Variants in AGAP1 observed in about 807,000 individuals in gnomAD.
The protein encoded by AGAP1 is ArfGAP with GTPase domain, ankyrin repeat and PH domain 1, also known as arf-GAP with GTPase, ANK repeat and PH domain-containing protein 1.
Under a neutral mutation model 105.3 loss-of-function variants are expected in AGAP1, and 29 were observed. The ratio of observed to expected loss-of-function variants is 0.28; its 90% CI spans 0.21 to 0.38. AGAP1 has a LOEUF of 0.38. Ranked by LOEUF, AGAP1 falls within the 10% of genes least tolerant of loss-of-function variation. The probability of loss-of-function intolerance (pLI) is 1.00; values close to 1 mark genes in which losing one functional copy is unlikely to be tolerated. For missense variants in AGAP1, 998 were observed against 1,165.1 expected (o/e 0.86, Z 2.09); for synonymous variants, 509 against 485.9 (o/e 1.05, Z -0.63).
intron 1 of AGAP1, among the ~76,000 whole-genome samples, chr2:235,643,152 G>A (rs760841371): frequency 1.1e-4 from 16 of 152,096 alleles, no homozygotes; most frequent in Non-Finnish European, 1.8e-4. Context: ...TTAAAGGATG[G>A]CCAGGTGCAG....
At chr2:235,760,954 A>G (rs1954389104) in intron 6 of AGAP1, among the ~76,000 whole-genome samples, 1 of 152,176 alleles carries the variant, frequency 6.6e-6, no homozygotes, top group Admixed American at 6.5e-5. Flanking sequence ...GCCATTTAAT[A>G]TGAAAATGTT....
chr2:236,105,295 C>T lies in AGAP1; in HGVS notation c.2115-14897C>T, dbSNP rs564758719. On this transcript the variant is annotated intron_variant, in intron 16 of 17. Transcript: ENST00000304032. The surrounding 1 kb of genome is among the most constrained non-coding windows in gnomAD (Gnocchi z 4.2). Reference sequence around the variant, plus strand: ...TCTTGCGTCAACTTCAGTTTTAACACGATAGCCAGGTAAGGGGGAAAGATG... The same window carrying T: ...TCTTGCGTCAACTTCAGTTTTAACATGATAGCCAGGTAAGGGGGAAAGATG... Among the ~76,000 whole-genome samples, 1 of 152,172 alleles carries T rather than the reference C, an allele frequency of 6.6e-6. No individual in the cohort carries two copies. Among genetic ancestry groups the T allele is most frequent in the South Asian group, 2.1e-4 (1 of 4,812 alleles).
rs899477088 is a variant in AGAP1, at chr2:235,976,666, G to T, written c.1645+8043G>T. Among the ~76,000 whole-genome samples the T allele has an allele frequency of 2.6e-5, 4 of 152,148 alleles. No homozygotes were observed. Among genetic ancestry groups the T allele is most frequent in the African/African-American group, 9.7e-5 (4 of 41,426 alleles). On this transcript the variant is annotated intron_variant, in intron 13 of 17. Coordinates refer to ENST00000304032, the MANE Select transcript of AGAP1 (RefSeq NM_001037131.3). The surrounding 1 kb of genome is among the most constrained non-coding windows in gnomAD (Gnocchi z 4.5). ...GCTGGATGGGACATCAACTGAAGCGGCCCAGCCATCAGGACACACATAGAC... is the reference window on the plus strand; with the variant it reads ...GCTGGATGGGACATCAACTGAAGCGTCCCAGCCATCAGGACACACATAGAC...
rs370536569 is a variant in AGAP1, at chr2:236,040,772, G to A, written c.1822G>A (p.Glu608Lys). ...KNKSRLTSQS[E>K]AMALQSIRNM... ...CCAGTCCCGGCTGACGAGCCAGAGCGAGGCCATGGCCCTGCAGTCGATCCG... is the reference window on the plus strand; with the variant it reads ...CCAGTCCCGGCTGACGAGCCAGAGCAAGGCCATGGCCCTGCAGTCGATCCG... Residue 608 changes from glutamate (E) to lysine (K), a missense_variant, in exon 15 of 18, where the codon GAG (glutamate) becomes AAG (lysine). Physicochemically the swap from Glu to Lys is moderately conservative, Grantham distance 56. Transcript: ENST00000304032. This position sits in a 1 kb window ranked among gnomAD's most constrained non-coding sequence, Gnocchi z 5.6. The A allele has an allele frequency of 2.9e-5, 46 of 1,613,428 alleles. No individual in the cohort carries two copies. The highest frequency in any genetic ancestry group is 3.5e-5 in the Non-Finnish European group (41 of 1,180,032).
rs1405343390 is a variant in AGAP1, at chr2:235,875,039, GAGA to G, written c.1051-8301_1051-8299del. On this transcript the variant is annotated intron_variant, in intron 9 of 17. Coordinates refer to ENST00000304032, the MANE Select transcript of AGAP1 (RefSeq NM_001037131.3). The surrounding 1 kb of genome is among the most constrained non-coding windows in gnomAD (Gnocchi z 4.0). ...GAACTGGTTGAAGACTGAGTTTTGGGAGAAGAACCCTGGAGGCCAAAGGCAGTA... is the reference window on the plus strand; with the variant it reads ...GAACTGGTTGAAGACTGAGTTTTGGGAGAACCCTGGAGGCCAAAGGCAGTA... Among the ~76,000 whole-genome samples the G allele has an allele frequency of 6.6e-6, 1 of 152,162 alleles. No homozygotes were observed. The highest frequency in any genetic ancestry group is 2.4e-5 in the African/African-American group (1 of 41,444).
intron 1 of AGAP1, among the ~76,000 whole-genome samples, chr2:235,546,032 G>C (rs1040628748): frequency 2.6e-5 from 4 of 152,252 alleles, no homozygotes; most frequent in Non-Finnish European, 4.4e-5. Context: ...TGTGAGGAGT[G>C]AGTTAGGTTT....
intron 11 of AGAP1, among the ~76,000 whole-genome samples, chr2:235,924,626 C>A (rs372853040): frequency 3.3e-5 from 5 of 152,194 alleles, no homozygotes; most frequent in Admixed American, 2.0e-4. Context: ...CAGTCTCTTG[C>A]AGCAATAGCA....
At position 235,719,837 on chromosome 2, in the gene AGAP1, A is replaced by ATAGACACACACCCACTG; in HGVS notation, c.310+2193_310+2194insTAGACACACACCCACTG. On this transcript the variant is annotated intron_variant, in intron 3 of 17. Coordinates refer to ENST00000304032, the MANE Select transcript of AGAP1 (RefSeq NM_001037131.3). The surrounding 1 kb of genome is among the most constrained non-coding windows in gnomAD (Gnocchi z 4.9). ...GAGGAGCTGACAGCAGCAGACACCC[A>ATAGACACACACCCACTG]GGTGCACCCCAGTGGGTGTGTGTCT... Among the ~76,000 whole-genome samples, 1 of 152,328 alleles carries ATAGACACACACCCACTG rather than the reference A, an allele frequency of 6.6e-6. No individual in the cohort carries two copies. The highest frequency in any genetic ancestry group is 3.4e-3 in the Middle Eastern group (1 of 294).
chr2:236,040,447 G>C lies in AGAP1; in HGVS notation c.1801-304G>C, dbSNP rs1401409376. ...GAAGGTTACCCATTTACCTTCTCCA[G>C]GTTACCATGGTCCATGCGTATTCAC... is the stretch of plus-strand genomic sequence containing the variant. On this transcript the variant is annotated intron_variant, in intron 14 of 17. Transcript: ENST00000304032. This position sits in a 1 kb window ranked among gnomAD's most constrained non-coding sequence, Gnocchi z 5.6. Among the ~76,000 whole-genome samples the C allele has an allele frequency of 1.3e-5, 2 of 152,080 alleles. No homozygotes were observed. The highest frequency in any genetic ancestry group is 2.4e-5 in the African/African-American group (1 of 41,394).
chr2:235,893,628 A>T lies in AGAP1; in HGVS notation c.1155+10179A>T, dbSNP rs2050662137. ...TGGCCCTCCCTGATTCCCAGGCCCC[A>T]TCTAGTGTACATCATTGCCTCGGGT... On this transcript the variant is annotated intron_variant, in intron 10 of 17. Transcript: ENST00000304032. The surrounding 1 kb of genome is among the most constrained non-coding windows in gnomAD (Gnocchi z 4.7). 6.6e-6 allele frequency among the ~76,000 whole-genome samples: 1 copy of T among 151,326 alleles called. No individual in the cohort carries two copies. Among genetic ancestry groups the T allele is most frequent in the African/African-American group, 2.4e-5 (1 of 41,164 alleles).
rs1202551374 is a variant in AGAP1 at position 235,721,633 on chromosome 2, G to GA, written c.310+3990dup. ...CTCAGAAGTCTGAAATCAAGGTGTT[G>GA]ACGGGGTTGGTTCCTTCTGCAGCTT... On this transcript the variant is annotated intron_variant, in intron 3 of 17. Transcript: ENST00000304032. This position sits in a 1 kb window ranked among gnomAD's most constrained non-coding sequence, Gnocchi z 4.5. 6.6e-6 allele frequency among the ~76,000 whole-genome samples: 1 copy of GA among 152,216 alleles called. No homozygotes were observed. The highest frequency in any genetic ancestry group is 1.5e-5 in the Non-Finnish European group (1 of 68,036).
rs1013290618 is a variant in AGAP1, at chr2:236,046,031, G to A, written c.1892-3028G>A. On this transcript the variant is annotated intron_variant, in intron 15 of 17. Coordinates refer to ENST00000304032, the MANE Select transcript of AGAP1 (RefSeq NM_001037131.3). This position sits in a 1 kb window ranked among gnomAD's most constrained non-coding sequence, Gnocchi z 5.2. ...GACAGCCTGGGAGCTGCTGGGGGGA[G>A]GTAGGAGGGGGTGCACCACGGTCTG... The A allele has an allele frequency of 4.2e-6, 2 of 471,468 alleles. No individual in the cohort carries two copies. Among genetic ancestry groups the A allele is most frequent in the East Asian group, 7.0e-5 (1 of 14,380 alleles). 29.2% of individuals were successfully genotyped at this position (471,468 alleles called of 1,614,324 possible).
Position 235,515,220 on chromosome 2 carries a change from C to T in AGAP1, c.163+20371C>T, listed in dbSNP as rs149400172. Among the ~76,000 whole-genome samples, 6 of 152,020 alleles carry T rather than the reference C, an allele frequency of 3.9e-5. 1 individual carries two copies. The South Asian group carries it at 6.2e-4, about 16-fold the overall frequency. ...GACTCAAGCAGACATGGATTTTATT[C>T]GAAGGATGTGGGGGTGGCTTTGAGC... On this transcript the variant is annotated intron_variant, in intron 1 of 17. Coordinates refer to ENST00000304032, the MANE Select transcript of AGAP1 (RefSeq NM_001037131.3).
Position 236,014,689 on chromosome 2 carries a change from C to G in AGAP1, c.1646-21872C>G. The G allele has an allele frequency of 2.8e-6, 1 of 358,224 alleles. No homozygotes were observed. The highest frequency in any genetic ancestry group is 5.7e-6 in the Non-Finnish European group (1 of 175,144). The allele number at this position is 358,224 out of a possible 1,614,324, so 22.2% of individuals were successfully genotyped here. On this transcript the variant is annotated intron_variant, in intron 13 of 17. Coordinates refer to ENST00000304032, the MANE Select transcript of AGAP1 (RefSeq NM_001037131.3). This position sits in a 1 kb window ranked among gnomAD's most constrained non-coding sequence, Gnocchi z 6.3. ...ACCCACCCGCTTCGCGCAGACAGCT[C>G]GGAGGCAACGTCACGTGCTACTTTG...
intron 1 of AGAP1, among the ~76,000 whole-genome samples, chr2:235,554,327 G>A (rs1295802310): frequency 6.6e-6 from 1 of 152,210 alleles, no homozygotes; most frequent in Non-Finnish European, 1.5e-5. Context: ...ATGTGACTGG[G>A]CCAAGTGACA....
Position 236,053,367 on chromosome 2 carries a change from A to G in AGAP1, c.2114+4086A>G, listed in dbSNP as rs756855797. On this transcript the variant is annotated intron_variant, in intron 16 of 17. Coordinates refer to ENST00000304032, the MANE Select transcript of AGAP1 (RefSeq NM_001037131.3). The surrounding 1 kb of genome is among the most constrained non-coding windows in gnomAD (Gnocchi z 4.6). The stretch of plus-strand genomic sequence containing the variant: ...CCTTGGAATTCCTCATGTGAGTGAA[A>G]CCGGGGCTTTGACGTTTGCAGCACC... 6.6e-6 allele frequency among the ~76,000 whole-genome samples: 1 copy of G among 152,260 alleles called. No individual in the cohort carries two copies. Among genetic ancestry groups the G allele is most frequent in the South Asian group, 2.1e-4 (1 of 4,822 alleles).
In AGAP1 at chr2:235,705,221, T is replaced by C. The variant is rs762009320; in HGVS notation, c.164-3958T>C. On this transcript the variant is annotated intron_variant, in intron 1 of 17. Transcript: ENST00000304032. The surrounding 1 kb of genome is among the most constrained non-coding windows in gnomAD (Gnocchi z 4.9). ...CTTGAACTCCTGACCTCAGGTGATCTGCGCGCCTCGGCCTCCTAAAGTGTT... is the reference window on the plus strand; with the variant it reads ...CTTGAACTCCTGACCTCAGGTGATCCGCGCGCCTCGGCCTCCTAAAGTGTT... 2.0e-5 allele frequency among the ~76,000 whole-genome samples: 3 copies of C among 152,078 alleles called. No individual in the cohort carries two copies. The highest frequency in any genetic ancestry group is 4.4e-5 in the Non-Finnish European group (3 of 67,982).
intron 13 of AGAP1, among the ~76,000 whole-genome samples, chr2:236,004,942 C>G (rs533764009): frequency 6.6e-6 from 1 of 152,264 alleles, no homozygotes; most frequent in African/African-American, 2.4e-5. Context: ...GCATTTTATT[C>G]TATGGAAACA....
At chr2:235,671,567 G>A (rs114431461) in intron 1 of AGAP1, among the ~76,000 whole-genome samples, 200 of 152,330 alleles carry the variant, frequency 1.3e-3, no homozygotes, top group African/African-American at 4.7e-3. Context: ...CTGACTCCGT[G>A]GCCCTCGGTA....
Sources: gnomAD v4.1 joint callset for allele counts (sites outside exome capture counted in the v4.1 genomes callset) on GRCh38, gnomAD v4.1.1 for gene constraint, Gnocchi (gnomAD v3.1) non-coding constraint, MANE v1.5 for transcripts, NCBI Gene and HGNC (gene_info 2026-07-23, HGNC 2026-07-21) for gene names.